CHN2: variants seen among roughly 807,000 people sequenced by gnomAD.
CHN2 encodes the protein chimerin 2, also known as beta-chimaerin.
CHN2 carries 35 observed loss-of-function variants against 56.3 expected under a neutral mutation model. That is an observed-to-expected ratio of 0.62 (90% CI 0.47 to 0.82). The LOEUF (loss-of-function observed/expected upper bound fraction) is 0.82. Ranked by LOEUF, CHN2 falls within the 40% of genes least tolerant of loss-of-function variation. The pLI, the probability that CHN2 is intolerant of heterozygous loss-of-function variation, is 0.00. For synonymous variants in CHN2, 210 were observed against 212.8 expected (o/e 0.99, Z 0.12); for missense variants, 491 against 580.5 (o/e 0.85, Z 1.58).
intron 1 of CHN2, among the ~76,000 whole-genome samples, chr7:29,235,424 T>C (rs2128805550): frequency 1.3e-5 from 2 of 152,310 alleles, no homozygotes; most frequent in Middle Eastern, 6.8e-3. Flanking sequence ...ACACATACAC[T>C]GCTGATGGGA....
chr7:29,304,392 A>C (rs889430114), intron 1 of CHN2, among the ~76,000 whole-genome samples: 1 of 152,244 alleles, frequency 6.6e-6, no homozygotes, highest in African/African-American at 2.4e-5. Flanking sequence ...AGAGAGGCTT[A>C]GCCAAATTGT....
intron 2 of CHN2, among the ~76,000 whole-genome samples, chr7:29,155,248 G>A (rs961285712): frequency 9.9e-5 from 15 of 152,090 alleles, no homozygotes; most frequent in Admixed American, 3.3e-4. Flanking sequence ...AACTTGGGTT[G>A]CACCATTTCA....
intron 6 of CHN2, among the ~76,000 whole-genome samples, chr7:29,450,192 G>A (rs969793389): frequency 1.3e-5 from 2 of 152,160 alleles, no homozygotes; most frequent in African/African-American, 4.8e-5. Context: ...CCAAGCAGAC[G>A]AAGCTCAAAT....
intron 1 of CHN2, among the ~76,000 whole-genome samples, chr7:29,267,450 G>A (rs893699738): frequency 8.6e-5 from 13 of 151,982 alleles, no homozygotes; most frequent in Non-Finnish European, 1.9e-4. Flanking sequence ...CACCATGTTA[G>A]CCAGGCTGGT....
chr7:29,487,213 TTTTG>T (rs1554301669), intron 7 of CHN2, among the ~76,000 whole-genome samples: 7 of 151,702 alleles, frequency 4.6e-5, no homozygotes, highest in South Asian at 4.2e-4. Context: ...TTTGTTTTTT[TTTTG>T]TTTGTTTGTT....
intron 1 of CHN2, among the ~76,000 whole-genome samples, chr7:29,227,224 C>G (rs938312866): frequency 6.6e-5 from 10 of 152,182 alleles, no homozygotes; most frequent in Non-Finnish European, 1.3e-4. Context: ...GAAGATGTCT[C>G]CATGCCTTGC....
chr7:29,147,838 A>G (rs1389651569), intron 2 of CHN2, among the ~76,000 whole-genome samples: 1 of 152,264 alleles, frequency 6.6e-6, no homozygotes, highest in Non-Finnish European at 1.5e-5. Context: ...ATGATTAAGT[A>G]CAATAAGTTC....
chr7:29,282,857 A>T lies in CHN2; in HGVS notation c.50-71768A>T, dbSNP rs183159968. 1.9e-3 allele frequency among the ~76,000 whole-genome samples: 282 copies of T among 152,326 alleles called. 1 individual carries two copies. Among genetic ancestry groups the T allele is most frequent in the African/African-American group, 6.2e-3 (259 of 41,574 alleles). On this transcript the variant is annotated intron_variant, in intron 1 of 12. Transcript: ENST00000222792. ...CTAATAACGATAAATCTTCCAGTGT[A>T]AAAAATAGGAATCGTGAAAGAAGCA... is the stretch of plus-strand genomic sequence containing the variant.
At chr7:29,509,267 C>G in intron 11 of CHN2, 34 bp from the exon 12 acceptor site, 3 of 1,518,998 alleles carry the variant, frequency 2.0e-6, no homozygotes, top group Non-Finnish European at 2.7e-6. Flanking sequence ...ATGCCACACT[C>G]TGAACTAATA....
At chr7:29,209,576 A>G (rs1177192413) in intron 1 of CHN2, among the ~76,000 whole-genome samples, 1 of 152,182 alleles carries the variant, frequency 6.6e-6, no homozygotes, top group South Asian at 2.1e-4. Flanking sequence ...CTCTAATGAG[A>G]AGTAGGACAG....
intron 1 of CHN2, chr7:29,332,855 G>A (rs1201798017): frequency 6.6e-6 from 1 of 151,758 alleles, no homozygotes; most frequent in Non-Finnish European, 1.5e-5. Flanking sequence ...AACTTATGAT[G>A]GGGTTATGTG....
chr7:29,422,035 T>C (rs1416563591), intron 6 of CHN2, among the ~76,000 whole-genome samples: 1 of 35,544 alleles, frequency 2.8e-5, no homozygotes, highest in Non-Finnish European at 6.8e-5. Context: ...AATTCCCTGC[T>C]ATAATAGAAA....
At position 29,479,924 on chromosome 7, in the gene CHN2, A is replaced by G. The variant is rs919738785; in HGVS notation, c.577-355A>G. ...AATAGCACAAAACAGGCCCATCCTT[A>G]TTCAGAAGCCGGGCCCCCTCCATCA... is the stretch of plus-strand genomic sequence containing the variant. On this transcript the variant is annotated intron_variant, in intron 6 of 12. Coordinates refer to ENST00000222792, the MANE Select transcript of CHN2 (RefSeq NM_004067.4). The G allele has an allele frequency of 2.1e-6, 3 of 1,438,100 alleles. No homozygotes were observed. The Admixed American group carries it at 8.5e-5, about 41-fold the overall frequency. 89.1% of individuals were successfully genotyped at this position (1,438,100 alleles called of 1,614,324 possible). A position where few individuals can be genotyped will look rare whatever the true frequency, so the allele number is the denominator to read the frequency against.
At chr7:29,164,790 A>C (rs906484658) in intron 2 of CHN2, among the ~76,000 whole-genome samples, 7 of 151,740 alleles carry the variant, frequency 4.6e-5, no homozygotes, top group Non-Finnish European at 8.8e-5. Flanking sequence ...AAAAAAAAAA[A>C]AAAAAAAAAA....
At chr7:29,413,926 T>A (rs1426129163) in intron 6 of CHN2, among the ~76,000 whole-genome samples, 3 of 152,220 alleles carry the variant, frequency 2.0e-5, no homozygotes, top group Admixed American at 6.5e-5. Context: ...TTTGTTCTTA[T>A]GAAGAAATAG....
Position 29,161,871 on chromosome 7 carries a change from C to T in CHN2, c.274+14911C>T, listed in dbSNP as rs148082200. The stretch of plus-strand genomic sequence containing the variant: ...TTTTTAAATGGGCCAAAGAGTTGAA[C>T]AGACATTTCACTAAAGAAGATAGAC... On this transcript the variant is annotated intron_variant, in intron 2 of 6. Coordinates refer to the CHN2 transcript ENST00000439384. 3.9e-5 allele frequency among the ~76,000 whole-genome samples: 6 copies of T among 152,180 alleles called. No homozygotes were observed. In the East Asian group the frequency reaches 5.8e-4, roughly 15 times the overall value.
intron 2 of CHN2, among the ~76,000 whole-genome samples, chr7:29,357,437 G>A (rs370637572): frequency 3.9e-5 from 6 of 152,282 alleles, no homozygotes; most frequent in Admixed American, 6.5e-5. Context: ...GTTAGACCAC[G>A]TATGAATTAT....
intron 7 of CHN2, among the ~76,000 whole-genome samples, chr7:29,491,386 A>G (rs770564497): frequency 5.3e-5 from 8 of 151,378 alleles, no homozygotes; most frequent in African/African-American, 1.7e-4. Flanking sequence ...AATTAAACCT[A>G]TATTTCTTTT....
At chr7:29,352,462 C>T (rs905265387) in intron 1 of CHN2, among the ~76,000 whole-genome samples, 3 of 152,098 alleles carry the variant, frequency 2.0e-5, no homozygotes, top group Non-Finnish European at 2.9e-5. Flanking sequence ...TGGCTCATGC[C>T]TGTAATCCCA....
Sources: gnomAD v4.1 joint callset for allele counts (sites outside exome capture counted in the v4.1 genomes callset) on GRCh38, gnomAD v4.1.1 for gene constraint, MANE v1.5 for transcripts, NCBI Gene and HGNC (gene_info 2026-07-23, HGNC 2026-07-21) for gene names.